KCNIP4: variants seen among roughly 807,000 people sequenced by gnomAD.
The protein encoded by KCNIP4 is Kv channel-interacting protein 4.
Under a neutral mutation model 34.0 loss-of-function variants are expected in KCNIP4, and 12 were observed. The observed-to-expected ratio is 0.35, with a 90% CI of 0.23 to 0.57. The LOEUF (loss-of-function observed/expected upper bound fraction) is 0.57, where lower values mean the gene tolerates loss of function less well. Among genes scored for constraint, KCNIP4 ranks in the 20% least tolerant of loss-of-function variants. The pLI is 0.83. For synonymous variants in KCNIP4, 124 were observed against 102.2 expected (o/e 1.21, Z -1.29); for missense variants, 238 against 311.7 (o/e 0.76, Z 1.78).
intron 1 of KCNIP4, among the ~76,000 whole-genome samples, chr4:21,071,015 T>G (rs1744863788): frequency 6.6e-6 from 1 of 152,062 alleles, no homozygotes; most frequent in Non-Finnish European, 1.5e-5. Flanking sequence ...TATGAATTCT[T>G]TGTTAGATAT....
intron 1 of KCNIP4, chr4:21,844,240 CAG>C (rs1382323647): frequency 7.9e-5 from 12 of 152,118 alleles, no homozygotes; most frequent in African/African-American, 2.9e-4. Flanking sequence ...ACAGAGGAAA[CAG>C]TGTTTGAGAG....
intron 1 of KCNIP4, among the ~76,000 whole-genome samples, chr4:21,051,169 C>G (rs1206302427): frequency 6.6e-6 from 1 of 152,224 alleles, no homozygotes; most frequent in African/African-American, 2.4e-5. Flanking sequence ...GGCTTCCCTT[C>G]TTTGAGCATC....
intron 1 of KCNIP4, among the ~76,000 whole-genome samples, chr4:21,791,878 T>G (rs909790812): frequency 4.6e-5 from 7 of 151,900 alleles, no homozygotes; most frequent in African/African-American, 1.7e-4. Context: ...AGTGCATGTC[T>G]GTAATCCCAG....
chr4:21,414,326 T>C (rs1179054274), intron 1 of KCNIP4, among the ~76,000 whole-genome samples: 1 of 152,156 alleles, frequency 6.6e-6, no homozygotes, highest in Non-Finnish European at 1.5e-5. Flanking sequence ...ACCAGACATA[T>C]AAAACAATGT....
intron 1 of KCNIP4, among the ~76,000 whole-genome samples, chr4:21,689,034 T>C (rs1234354793): frequency 6.6e-6 from 1 of 152,104 alleles, no homozygotes; most frequent in Non-Finnish European, 1.5e-5. Flanking sequence ...AACTGCTTCA[T>C]ATTTATTTGC....
intron 1 of KCNIP4, among the ~76,000 whole-genome samples, chr4:20,964,649 C>T (rs1391040798): frequency 6.6e-6 from 1 of 152,142 alleles, no homozygotes; most frequent in African/African-American, 2.4e-5. Context: ...GTTTGATGTT[C>T]ACTACATTTA....
At position 21,714,961 on chromosome 4, in the gene KCNIP4, T is replaced by C. The variant is rs371037882; in HGVS notation, c.61+233610A>G. On this transcript the variant is annotated intron_variant, in intron 1 of 8. Transcript: ENST00000382152. Reference sequence around the variant, plus strand: ...TTTATTTTATTTTATTTTATTTTATTTTATTTTATTTTATTTTATTTTATT... The same window carrying C: ...TTTATTTTATTTTATTTTATTTTATCTTATTTTATTTTATTTTATTTTATT... 6.3e-3 allele frequency among the ~76,000 whole-genome samples: 2 copies of C among 316 alleles called. 1 individual carries two copies. The highest frequency in any genetic ancestry group is 8.4e-3 in the Non-Finnish European group (2 of 238). The allele number at this position is 316 out of a possible 152,430, so 0.2% of individuals were successfully genotyped here.
intron 1 of KCNIP4, chr4:21,718,628 A>T (rs1714569730): frequency 1.3e-5 from 2 of 151,802 alleles, no homozygotes; most frequent in Non-Finnish European, 2.9e-5. Flanking sequence ...AAAGCCAAAC[A>T]CACTTAAAGT....
At chr4:21,317,125 G>T (rs1282084774) in intron 1 of KCNIP4, among the ~76,000 whole-genome samples, 1 of 152,128 alleles carries the variant, frequency 6.6e-6, no homozygotes, top group Non-Finnish European at 1.5e-5. Context: ...GGATATAAAT[G>T]CTTGCCATTA....
At position 21,863,755 on chromosome 4, in the gene KCNIP4, C is replaced by A. The variant is rs185768915; in HGVS notation, c.61+84816G>T. Among the ~76,000 whole-genome samples the A allele has an allele frequency of 1.3e-4, 20 of 152,286 alleles. No individual in the cohort carries two copies. In the East Asian group the frequency reaches 3.7e-3, roughly 28 times the overall value. On this transcript the variant is annotated intron_variant, in intron 1 of 8. Transcript: ENST00000382152. The stretch of plus-strand genomic sequence containing the variant: ...GCTTGAGCTCCTAGATCCAACCATA[C>A]CTGCAACTATCCCCACAGATCCATT...
At chr4:20,758,684 A>G in intron 4 of KCNIP4, 137 bp downstream of exon 4, 2 of 664,092 alleles carry the variant, frequency 3.0e-6, no homozygotes, top group Non-Finnish European at 5.2e-6. Flanking sequence ...TAAAAATTAT[A>G]TACACTTGCA....
At chr4:21,790,044 G>T (rs149972365) in intron 1 of KCNIP4, among the ~76,000 whole-genome samples, 152 of 152,284 alleles carry the variant, frequency 1.0e-3, no homozygotes, top group African/African-American at 3.6e-3. Flanking sequence ...ATGAAAAGCT[G>T]CCTCAGCATG....
Position 21,273,877 on chromosome 4 carries a change from A to G in KCNIP4, c.62-391168T>C, listed in dbSNP as rs904331043. Among the ~76,000 whole-genome samples the G allele has an allele frequency of 2.0e-5, 3 of 152,258 alleles. No individual in the cohort carries two copies. In the East Asian group the frequency reaches 5.8e-4, roughly 29 times the overall value. ...CATGCACGTGTGTATGTACATATGG[A>G]AGGTGTGTGTCTCCATTTGACTGGA... On this transcript the variant is annotated intron_variant, in intron 1 of 8. Transcript: ENST00000382152.
intron 1 of KCNIP4, among the ~76,000 whole-genome samples, chr4:21,635,144 C>A (rs73254390): frequency 1.3e-5 from 2 of 152,084 alleles, no homozygotes; most frequent in Non-Finnish European, 1.5e-5. Flanking sequence ...CCTGACCCAA[C>A]GAGGAGGTTA....
At chr4:21,608,003 C>A (rs955920694) in intron 1 of KCNIP4, among the ~76,000 whole-genome samples, 1 of 152,142 alleles carries the variant, frequency 6.6e-6, no homozygotes, top group African/African-American at 2.4e-5. Context: ...CTTCCAGGTT[C>A]TAATTCAGGC....
chr4:21,013,468 C>T (rs769615010), intron 1 of KCNIP4, among the ~76,000 whole-genome samples: 1 of 151,624 alleles, frequency 6.6e-6, no homozygotes, highest in Admixed American at 6.6e-5. Context: ...GGCATGGGGT[C>T]GACCAGCTCT....
At chr4:21,495,587 A>AC (rs1157026784) in intron 1 of KCNIP4, among the ~76,000 whole-genome samples, 1 of 150,284 alleles carries the variant, frequency 6.7e-6, no homozygotes, top group Non-Finnish European at 1.5e-5. Context: ...TTAAACACTT[A>AC]CCTTTTTTTT....
intron 1 of KCNIP4, among the ~76,000 whole-genome samples, chr4:21,534,666 A>G (rs368013348): frequency 6.6e-6 from 1 of 152,096 alleles, no homozygotes; most frequent in East Asian, 1.9e-4. Context: ...CCAGTGCTTC[A>G]TGAAGTACTG....
chr4:21,568,642 C>CT (rs1740105220), intron 1 of KCNIP4, among the ~76,000 whole-genome samples: 1 of 152,132 alleles, frequency 6.6e-6, no homozygotes, highest in African/African-American at 2.4e-5. Flanking sequence ...ACATCAGACT[C>CT]TAAGTTCTTC....
Sources: gnomAD v4.1 joint callset for allele counts (sites outside exome capture counted in the v4.1 genomes callset) on GRCh38, gnomAD v4.1.1 for gene constraint, MANE v1.5 for transcripts, NCBI Gene and HGNC (gene_info 2026-07-23, HGNC 2026-07-21) for gene names.